The following UNC13C variants were observed in gnomAD, a reference collection of about 807,000 sequenced individuals.
UNC13C encodes protein unc-13 homolog C.
Under a neutral mutation model 245.4 loss-of-function variants are expected in UNC13C, and 174 were observed. The ratio of observed to expected loss-of-function variants is 0.71; its 90% CI spans 0.63 to 0.80. The LOEUF (loss-of-function observed/expected upper bound fraction) is 0.80. UNC13C is among the 30% of genes least tolerant of loss of function. The pLI is 0.00. For synonymous variants in UNC13C, 992 were observed against 895.1 expected (o/e 1.11, Z -1.93); for missense variants, 2,829 against 2,602.9 (o/e 1.09, Z -1.89).
At chr15:54,613,355 TATTA>T (rs1369308044) in intron 30 of UNC13C, among the ~76,000 whole-genome samples, 1 of 151,942 alleles carries the variant, frequency 6.6e-6, no homozygotes, top group Non-Finnish European at 1.5e-5. Context: ...ATTGTGTTGC[TATTA>T]TTTACTAAAT....
chr15:54,280,184 A>G (rs1317784153), intron 10 of UNC13C, among the ~76,000 whole-genome samples: 1 of 152,140 alleles, frequency 6.6e-6, no homozygotes, highest in Non-Finnish European at 1.5e-5. Context: ...TGCTTCCAAC[A>G]GTAGATAAAT....
chr15:54,588,998 C>T (rs1175900183), intron 30 of UNC13C, among the ~76,000 whole-genome samples: 6 of 152,036 alleles, frequency 3.9e-5, no homozygotes, highest in Non-Finnish European at 1.5e-5. Context: ...GGGTAGATAC[C>T]CAGTAGTGAG....
At position 54,013,058 on chromosome 15, in the gene UNC13C, C is replaced by T. The variant is rs756967341; in HGVS notation, c.155C>T (p.Ser52Phe). 6 of 1,613,822 alleles carry T rather than the reference C, an allele frequency of 3.7e-6. No individual in the cohort carries two copies. The East Asian group carries it at 8.9e-5, about 24-fold the overall frequency. ...QDFPTAGQTK[S>F]PKFSYTFKST... ...TTCCCCACTGCTGGCCAGACCAAAT[C>T]CCCCAAATTTTCTTACACTTTTAAA... Residue 52 changes from serine to phenylalanine, a missense_variant, in exon 2 of 33, where the codon TCC becomes TTC. Ser to Phe is a radical substitution (Grantham distance 155, BLOSUM62 -2). Transcript: ENST00000260323.
intron 19 of UNC13C, among the ~76,000 whole-genome samples, chr15:54,480,997 C>G (rs1444132820): frequency 6.6e-6 from 1 of 152,154 alleles, no homozygotes. Context: ...ACAATGTATT[C>G]TCATGAGGAC....
At chr15:54,084,190 T>C (rs1212816832) in intron 2 of UNC13C, among the ~76,000 whole-genome samples, 1 of 152,222 alleles carries the variant, frequency 6.6e-6, no homozygotes, top group Non-Finnish European at 1.5e-5. Flanking sequence ...CCCTCAGTTT[T>C]CTCTTGAGAG....
At chr15:54,172,315 T>G (rs1448561399) in intron 4 of UNC13C, among the ~76,000 whole-genome samples, 1 of 151,976 alleles carries the variant, frequency 6.6e-6, no homozygotes, top group African/African-American at 2.4e-5. Flanking sequence ...CCCCATTGAC[T>G]CTTATGTGAT....
intron 17 of UNC13C, among the ~76,000 whole-genome samples, chr15:54,340,437 T>C (rs187281663): frequency 6.6e-6 from 1 of 152,340 alleles, no homozygotes; most frequent in East Asian, 1.9e-4. Context: ...TTAAGTTCCT[T>C]GACCTATCAT....
chr15:53,883,094 G>A, the UNC13C span, among the ~76,000 whole-genome samples: 245 of 152,158 alleles, frequency 1.6e-3, 1 homozygote, highest in Middle Eastern at 3.4e-3. Flanking sequence ...TCTGGGAAGA[G>A]CACTATAGCT....
Position 54,376,333 on chromosome 15 carries a change from CA to C in UNC13C, c.4714-16710del, listed in dbSNP as rs551067463. ...TAGTATTTTAAGATTCCTCTAAAGA[CA>C]AAAAGGGGTTTTAAGAAGATAACAA... is the stretch of plus-strand genomic sequence containing the variant. On this transcript the variant is annotated intron_variant, in intron 17 of 32. Transcript: ENST00000260323. Among the ~76,000 whole-genome samples, 20 of 151,754 alleles carry C rather than the reference CA, an allele frequency of 1.3e-4. No homozygotes were observed. In the East Asian group the frequency reaches 3.9e-3, roughly 29 times the overall value.
chr15:54,217,446 G>A (rs2035076110), intron 4 of UNC13C, among the ~76,000 whole-genome samples: 1 of 151,900 alleles, frequency 6.6e-6, no homozygotes, highest in Admixed American at 6.6e-5. Flanking sequence ...TTGTCGACCT[G>A]CCCTTCTATT....
At chr15:54,056,737 G>A (rs1461510731) in intron 2 of UNC13C, among the ~76,000 whole-genome samples, 1 of 152,298 alleles carries the variant, frequency 6.6e-6, no homozygotes, top group African/African-American at 2.4e-5. Context: ...AGAAAGGGAA[G>A]CCCATCAGAC....
intron 30 of UNC13C, among the ~76,000 whole-genome samples, chr15:54,606,387 T>G (rs892151077): frequency 1.3e-5 from 2 of 152,218 alleles, no homozygotes; most frequent in Non-Finnish European, 2.9e-5. Flanking sequence ...TGTTCCATAT[T>G]TAATCAGTAG....
intron 19 of UNC13C, among the ~76,000 whole-genome samples, chr15:54,444,765 G>T (rs571528696): frequency 6.6e-6 from 1 of 151,604 alleles, no homozygotes; most frequent in Non-Finnish European, 1.5e-5. Flanking sequence ...TCACTTCCAG[G>T]TGTAGAACTG....
chr15:54,043,884 T>C (rs780366035), intron 2 of UNC13C, among the ~76,000 whole-genome samples: 3 of 152,228 alleles, frequency 2.0e-5, no homozygotes, highest in Non-Finnish European at 4.4e-5. Flanking sequence ...GCTTAGGCTT[T>C]AATTTCAGAA....
At chr15:53,900,340 A>G in the UNC13C span, among the ~76,000 whole-genome samples, 1 of 152,228 alleles carries the variant, frequency 6.6e-6, no homozygotes, top group East Asian at 1.9e-4. Context: ...TGATGTATGA[A>G]TATCAGACAC....
intron 2 of UNC13C, among the ~76,000 whole-genome samples, chr15:54,051,552 A>G (rs1277388349): frequency 6.6e-6 from 1 of 152,106 alleles, no homozygotes; most frequent in East Asian, 1.9e-4. Context: ...TGGTAACACT[A>G]GCTGCTGATC....
In UNC13C at chr15:54,402,320, A is replaced by T. The variant is rs900543826; in HGVS notation, c.4847+9139A>T. ...AAACAGATCAAGTGTGTTACTCTGC[A>T]GTTTTCTAAAATATTACATTATATG... is the stretch of plus-strand genomic sequence containing the variant. On this transcript the variant is annotated intron_variant, in intron 18 of 32. Transcript: ENST00000260323. Among the ~76,000 whole-genome samples, 5 of 152,306 alleles carry T rather than the reference A, an allele frequency of 3.3e-5. No homozygotes were observed. The East Asian group carries it at 9.6e-4, about 29-fold the overall frequency.
chr15:54,224,976 T>C (rs965724487), intron 4 of UNC13C, among the ~76,000 whole-genome samples: 1 of 152,014 alleles, frequency 6.6e-6, no homozygotes, highest in Non-Finnish European at 1.5e-5. Context: ...TGAATATCTG[T>C]AGTATTGTTT....
intron 26 of UNC13C, among the ~76,000 whole-genome samples, chr15:54,537,415 A>G (rs1387041540): frequency 6.6e-6 from 1 of 152,158 alleles, no homozygotes; most frequent in African/African-American, 2.4e-5. Flanking sequence ...TACCAAAGCA[A>G]CTTACAGTTT....
Sources: gnomAD v4.1 joint callset for allele counts (sites outside exome capture counted in the v4.1 genomes callset) on GRCh38, gnomAD v4.1.1 for gene constraint, MANE v1.5 for transcripts, NCBI Gene and HGNC (gene_info 2026-07-23, HGNC 2026-07-21) for gene names.